The following INVS variants were observed in gnomAD, a reference collection of about 807,000 sequenced individuals.
The protein encoded by INVS is inversion of embryo turning homolog.
INVS carries 86 observed loss-of-function variants against 108.8 expected under a neutral mutation model. The ratio of observed to expected loss-of-function variants is 0.79; its 90% CI spans 0.66 to 0.95. The LOEUF is 0.95. INVS is among the 40% of genes least tolerant of loss of function. INVS has a pLI of 0.00. For synonymous variants in INVS, 455 were observed against 473.5 expected, an observed-to-expected ratio of 0.96 and a Z score of 0.51; for missense variants, 1,169 against 1,297.4, an observed-to-expected ratio of 0.90 and a Z score of 1.52.
Position 100,116,789 on chromosome 9 carries a change from T to C in INVS, c.107-9594T>C, listed in dbSNP as rs1355182535. On this transcript the variant is annotated intron_variant, in intron 2 of 16. Coordinates refer to ENST00000262457, the MANE Select transcript of INVS (RefSeq NM_014425.5). ...AGCCACAGCTGGAGCCTGAGTCCGC[T>C]GCACGGAGACTCTGGTGTGGGTCTT... The C allele has an allele frequency of 4.8e-5, 69 of 1,427,844 alleles. 2 individuals carry two copies. The South Asian group carries it at 9.6e-4, about 20-fold the overall frequency. The allele number at this position is 1,427,844 out of a possible 1,614,324, so 88.4% of individuals were successfully genotyped here.
intron 14 of INVS, among the ~76,000 whole-genome samples, chr9:100,294,788 G>T (rs966494934): frequency 1.3e-5 from 2 of 152,172 alleles, no homozygotes; most frequent in Non-Finnish European, 2.9e-5. Flanking sequence ...CAGGAGAAGG[G>T]TGATGTTACT....
At chr9:100,142,915 T>C (rs1780162991) in intron 3 of INVS, among the ~76,000 whole-genome samples, 1 of 152,122 alleles carries the variant, frequency 6.6e-6, no homozygotes, top group Non-Finnish European at 1.5e-5. Flanking sequence ...GTTGTTGTTT[T>C]GTAGAAGGGA....
At chr9:100,150,476 G>A (rs568502513) in intron 3 of INVS, among the ~76,000 whole-genome samples, 4 of 152,092 alleles carry the variant, frequency 2.6e-5, no homozygotes, top group South Asian at 2.1e-4. Context: ...GACTCATGCT[G>A]GTTTCTTTTA....
chr9:100,143,256 G>C (rs923821949), intron 3 of INVS, among the ~76,000 whole-genome samples: 1 of 152,166 alleles, frequency 6.6e-6, no homozygotes, highest in Non-Finnish European at 1.5e-5. Flanking sequence ...CCACGGGGTA[G>C]ATAGGCAAAA....
chr9:100,200,092 T>C (rs1830493933), intron 3 of INVS, among the ~76,000 whole-genome samples: 1 of 152,212 alleles, frequency 6.6e-6, no homozygotes, highest in Non-Finnish European at 1.5e-5. Context: ...CATGCTATGA[T>C]TTTTACATTT....
rs185818616 is a variant in INVS, at chr9:100,294,306, G to A, written c.2786+1263G>A. Among the ~76,000 whole-genome samples, 29 of 152,242 alleles carry A rather than the reference G, an allele frequency of 1.9e-4. No individual in the cohort carries two copies. The East Asian group carries it at 3.3e-3, about 17-fold the overall frequency. ...TTCCCGTCAGGAGAAAAAGGAAGACGTTCTCTCCTTAACATTGGCAGGGAG... is the reference window on the plus strand; with the variant it reads ...TTCCCGTCAGGAGAAAAAGGAAGACATTCTCTCCTTAACATTGGCAGGGAG... On this transcript the variant is annotated intron_variant, in intron 14 of 16. Transcript: ENST00000262457.
intron 7 of INVS, 56 bp from the exon 8 acceptor site, chr9:100,246,560 T>C: frequency 7.8e-7 from 1 of 1,287,786 alleles, no homozygotes; most frequent in South Asian, 1.2e-5. Context: ...ATGACTTTAT[T>C]ACCACAGAAA....
intron 11 of INVS, among the ~76,000 whole-genome samples, chr9:100,272,020 C>T (rs1254863502): frequency 1.3e-5 from 2 of 152,056 alleles, no homozygotes; most frequent in Non-Finnish European, 2.9e-5. Flanking sequence ...AGGTATGTGC[C>T]ACCATGCCTG....
chr9:100,251,971 A>G (rs1832252791), intron 8 of INVS, among the ~76,000 whole-genome samples: 1 of 152,222 alleles, frequency 6.6e-6, no homozygotes, highest in Non-Finnish European at 1.5e-5. Flanking sequence ...CTTAAAGAGA[A>G]AAAGAGAAAA....
In INVS at chr9:100,301,186, G is replaced by A. The variant is rs1833960980; in HGVS notation, c.*512G>A. Among the ~76,000 whole-genome samples, 2 of 134,976 alleles carry A rather than the reference G, an allele frequency of 1.5e-5. No individual in the cohort carries two copies. The highest frequency in any genetic ancestry group is 2.3e-4 in the South Asian group (1 of 4,262). 88.5% of individuals were successfully genotyped at this position (134,976 alleles called of 152,430 possible). A position where few individuals can be genotyped will look rare whatever the true frequency, so the allele number is the denominator to read the frequency against. ...ACACACACACACACACACATATCAC[G>A]TCCCACTATTACTTCAAAATTAATC... On this transcript the variant is annotated 3_prime_UTR_variant, in exon 17 of 17. Transcript: ENST00000262457.
chr9:100,185,557 A>C lies in INVS; in HGVS notation c.274-40505A>C, dbSNP rs984879516. On this transcript the variant is annotated intron_variant, in intron 3 of 16. Coordinates refer to ENST00000262457, the MANE Select transcript of INVS (RefSeq NM_014425.5). ...TATATATATATATATATATATATAT[A>C]TTCATTTTAGTAGCTTTTATAGTGC... Among the ~76,000 whole-genome samples the C allele has an allele frequency of 4.1e-5, 5 of 121,406 alleles. No homozygotes were observed. The South Asian group carries it at 1.3e-3, about 30-fold the overall frequency. 79.6% of individuals were successfully genotyped at this position (121,406 alleles called of 152,430 possible).
At chr9:100,269,675 GCATCCATA>G (rs1274659882) in intron 11 of INVS, among the ~76,000 whole-genome samples, 2 of 152,098 alleles carry the variant, frequency 1.3e-5, no homozygotes, top group African/African-American at 4.8e-5. Context: ...GTCTAGTCAT[GCATCCATA>G]TAATCATCCT....
chr9:100,236,299 T>G (rs2491096), intron 5 of INVS, among the ~76,000 whole-genome samples: 79,657 of 152,032 alleles, frequency 0.52, 22,076 homozygotes, highest in African/African-American at 0.65. Context: ...CATTGGGTTA[T>G]AACATGCTCC....
intron 12 of INVS, among the ~76,000 whole-genome samples, chr9:100,279,843 G>A (rs1215180789): frequency 2.6e-5 from 4 of 152,110 alleles, no homozygotes; most frequent in African/African-American, 9.7e-5. Flanking sequence ...TAATTTCTTC[G>A]TGTCAAAAGT....
intron 2 of INVS, among the ~76,000 whole-genome samples, chr9:100,114,391 CTTTTTTTTTTTT>C (rs67549379): frequency 1.5e-4 from 10 of 64,860 alleles, no homozygotes; most frequent in East Asian, 1.0e-3. Context: ...AGATTTCTTT[CTTTTTTTTTTTT>C]TTTTTTTTTT....
intron 3 of INVS, among the ~76,000 whole-genome samples, chr9:100,178,323 A>G (rs986022528): frequency 6.6e-6 from 1 of 152,200 alleles, no homozygotes; most frequent in Non-Finnish European, 1.5e-5. Flanking sequence ...GGGCAATAAT[A>G]AACTCCTCTG....
chr9:100,295,222 A>G (rs907794765), intron 14 of INVS, among the ~76,000 whole-genome samples: 29 of 152,194 alleles, frequency 1.9e-4, no homozygotes, highest in African/African-American at 6.0e-4. Flanking sequence ...AGAAGCTGAC[A>G]GGTCCTGTCA....
intron 7 of INVS, among the ~76,000 whole-genome samples, chr9:100,246,387 T>A (rs1236185347): frequency 6.6e-6 from 1 of 152,206 alleles, no homozygotes; most frequent in Non-Finnish European, 1.5e-5. Context: ...AGAGTTAGGT[T>A]ATGTTTATGA....
At chr9:100,283,644 G>A (rs1320011929) in intron 12 of INVS, among the ~76,000 whole-genome samples, 11 of 152,100 alleles carry the variant, frequency 7.2e-5, no homozygotes, top group Admixed American at 7.2e-4. Context: ...ACGGGCCCCT[G>A]CTCCCCAGCC....
Sources: gnomAD v4.1 joint callset for allele counts (sites outside exome capture counted in the v4.1 genomes callset) on GRCh38, gnomAD v4.1.1 for gene constraint, MANE v1.5 for transcripts, NCBI Gene and HGNC (gene_info 2026-07-23, HGNC 2026-07-21) for gene names.